ASTN2: variants seen among roughly 807,000 people sequenced by gnomAD.
ASTN2 encodes the protein astrotactin 2, also known as astrotactin-2.
Under a neutral mutation model 139.8 loss-of-function variants are expected in ASTN2, and 54 were observed. The ratio of observed to expected loss-of-function variants is 0.39; its 90% CI spans 0.31 to 0.48. The LOEUF (loss-of-function observed/expected upper bound fraction) is 0.48, where lower values mean the gene tolerates loss of function less well. Among genes scored for constraint, ASTN2 ranks in the 20% least tolerant of loss-of-function variants. ASTN2 has a pLI of 0.95. For missense variants in ASTN2, 1,565 were observed against 1,725.1 expected (o/e 0.91, Z 1.64); for synonymous variants, 756 against 719.5 (o/e 1.05, Z -0.81).
intron 3 of ASTN2, among the ~76,000 whole-genome samples, chr9:117,204,958 C>T (rs1831866849): frequency 6.6e-6 from 1 of 152,142 alleles, no homozygotes; most frequent in South Asian, 2.1e-4. Flanking sequence ...CTTACCCTTT[C>T]AAGGCCATAT....
At chr9:116,982,097 C>T (rs1396908658) in intron 7 of ASTN2, among the ~76,000 whole-genome samples, 1 of 152,182 alleles carries the variant, frequency 6.6e-6, no homozygotes, top group East Asian at 1.9e-4. Context: ...CTGTGAGGCT[C>T]TTCCAAACAG....
At chr9:116,747,464 C>T (rs775799818) in intron 13 of ASTN2, among the ~76,000 whole-genome samples, 16 of 152,166 alleles carry the variant, frequency 1.1e-4, no homozygotes, top group Non-Finnish European at 2.1e-4. Context: ...AGGTTCTCTG[C>T]AGGCTTTGTT....
intron 16 of ASTN2, among the ~76,000 whole-genome samples, chr9:116,692,800 G>A (rs1860638514): frequency 6.6e-6 from 1 of 152,074 alleles, no homozygotes; most frequent in Non-Finnish European, 1.5e-5. Context: ...TGCCCAGGCT[G>A]AAGTACAGTA....
chr9:116,859,800 A>G (rs968671425), intron 11 of ASTN2, among the ~76,000 whole-genome samples: 1 of 152,248 alleles, frequency 6.6e-6, no homozygotes, highest in Admixed American at 6.5e-5. Context: ...GGTTGACAGC[A>G]AGCATGGTGA....
In ASTN2 at chr9:117,341,835, C is replaced by T. The variant is rs142277166; in HGVS notation, c.443-50322G>A. Among the ~76,000 whole-genome samples the T allele has an allele frequency of 2.2e-4, 33 of 152,222 alleles. No individual in the cohort carries two copies. In the East Asian group the frequency reaches 5.8e-3, roughly 27 times the overall value. On this transcript the variant is annotated intron_variant, in intron 1 of 22. Transcript: ENST00000313400. ...ATGGGAAAATCCTGCCTTGTTTCTG[C>T]AAAATACCAGCACACACTGTGTGCC...
chr9:116,536,068 T>C lies in ASTN2; in HGVS notation c.3356-48568A>G, dbSNP rs200007640. Among the ~76,000 whole-genome samples the C allele has an allele frequency of 5.0e-3, 757 of 152,138 alleles. 18 individuals carry two copies. The East Asian group carries it at 0.08, about 16-fold the overall frequency. The stretch of plus-strand genomic sequence containing the variant: ...CTTTGTTTGTTTCTTTTTATTCTCT[T>C]TTCTCTAAACTTCTCTTCTTGCTTC... On this transcript the variant is annotated intron_variant, in intron 19 of 22. Transcript: ENST00000313400.
At chr9:117,325,902 C>T (rs1416424422) in intron 1 of ASTN2, among the ~76,000 whole-genome samples, 3 of 152,108 alleles carry the variant, frequency 2.0e-5, no homozygotes, top group African/African-American at 7.2e-5. Context: ...CATATAAGTG[C>T]TTGGAGCAGA....
At chr9:116,497,041 A>G (rs1464221051) in intron 19 of ASTN2, among the ~76,000 whole-genome samples, 3 of 152,076 alleles carry the variant, frequency 2.0e-5, no homozygotes, top group Non-Finnish European at 2.9e-5. Context: ...ATTTCCCCAC[A>G]CTTTTTTAAA....
At chr9:117,149,866 C>T (rs573543462) in intron 3 of ASTN2, among the ~76,000 whole-genome samples, 11 of 152,194 alleles carry the variant, frequency 7.2e-5, no homozygotes, top group Admixed American at 1.3e-4. Context: ...TGAATTTTCT[C>T]TCATTTTAGT....
At chr9:116,926,233 A>T (rs139488779) in intron 10 of ASTN2, among the ~76,000 whole-genome samples, 1 of 152,006 alleles carries the variant, frequency 6.6e-6, no homozygotes, top group Non-Finnish European at 1.5e-5. Context: ...TCCTGCTGTA[A>T]CCTCTTTCTC....
chr9:116,543,934 C>T (rs745586660), intron 19 of ASTN2: 1 of 152,208 alleles, frequency 6.6e-6, no homozygotes, highest in Non-Finnish European at 1.5e-5. Flanking sequence ...TACTGCCCCT[C>T]ACAAAGCCTA....
At chr9:117,100,807 T>C (rs1267998124) in intron 4 of ASTN2, among the ~76,000 whole-genome samples, 3 of 152,258 alleles carry the variant, frequency 2.0e-5, no homozygotes, top group Non-Finnish European at 4.4e-5. Flanking sequence ...ACAGTATCTA[T>C]GGTCCCTACT....
chr9:116,455,758 T>A (rs1268585045), intron 20 of ASTN2, among the ~76,000 whole-genome samples: 4 of 149,650 alleles, frequency 2.7e-5, no homozygotes, highest in African/African-American at 7.4e-5. Flanking sequence ...AAAAATAGCA[T>A]CCAGATAAGA....
At position 116,697,797 on chromosome 9, in the gene ASTN2, G is replaced by C. The variant is rs757287996; in HGVS notation, c.2806+27974C>G. ...CCTGGATGCCCTCCGGGAAGTGCTA[G>C]AATGCCCCATCTGCATGGAGTCCTT... On this transcript the variant is annotated intron_variant, in intron 16 of 22. Coordinates refer to ENST00000313400, the MANE Select transcript of ASTN2 (RefSeq NM_001365068.1). 6 of 1,614,146 alleles carry C rather than the reference G, an allele frequency of 3.7e-6. No homozygotes were observed. Among genetic ancestry groups the C allele is most frequent in the South Asian group, 3.3e-5 (3 of 91,080 alleles).
chr9:116,565,403 A>C (rs1328781241), intron 19 of ASTN2, among the ~76,000 whole-genome samples: 4,662 of 82,056 alleles, frequency 0.057, 369 homozygotes, highest in Non-Finnish European at 0.067. Flanking sequence ...ATATATATAT[A>C]TATATATATA....
intron 10 of ASTN2, 28 bp from the exon 11 acceptor site, chr9:116,863,761 C>A (rs777562646): frequency 8.9e-6 from 14 of 1,579,302 alleles, no homozygotes; most frequent in South Asian, 1.2e-5. Context: ...TGGTTAAACC[C>A]CAGAGACATT....
At chr9:116,679,284 C>T (rs803898) in intron 16 of ASTN2, among the ~76,000 whole-genome samples, 116,957 of 151,986 alleles carry the variant, frequency 0.77, 45,659 homozygotes, top group African/African-American at 0.89. Flanking sequence ...ATAAATTATG[C>T]CTCTTTCTAG....
intron 3 of ASTN2, among the ~76,000 whole-genome samples, chr9:117,211,460 T>C (rs371053196): frequency 2.0e-5 from 3 of 152,140 alleles, no homozygotes; most frequent in African/African-American, 7.2e-5. Context: ...TGTTTAAAAG[T>C]GTTTAGCACT....
chr9:116,482,408 T>C (rs1426802537), intron 20 of ASTN2, among the ~76,000 whole-genome samples: 1 of 152,148 alleles, frequency 6.6e-6, no homozygotes, highest in Non-Finnish European at 1.5e-5. Context: ...ACACATACCT[T>C]AGAATGGTTC....
Sources: allele counts gnomAD v4.1 joint callset (sites outside exome capture counted in the v4.1 genomes callset), GRCh38; gene constraint gnomAD v4.1.1; transcripts MANE v1.5; gene names NCBI Gene and HGNC (gene_info 2026-07-23, HGNC 2026-07-21).